DAGLB: variants seen among roughly 807,000 people sequenced by gnomAD.
DAGLB encodes diacylglycerol lipase beta.
In DAGLB, 66 loss-of-function variants were observed where a neutral mutation model predicts 72.1. That is an observed-to-expected ratio of 0.92 (90% CI 0.75 to 1.12). The LOEUF (loss-of-function observed/expected upper bound fraction) is 1.12. DAGLB is among the 50% of genes most tolerant of loss of function. The pLI, the probability that DAGLB is intolerant of heterozygous loss-of-function variation, is 0.00. For synonymous variants in DAGLB, 414 were observed against 359.5 expected (o/e 1.15, Z -1.71); for missense variants, 1,065 against 884.9 (o/e 1.20, Z -2.58).
intron 11 of DAGLB, among the ~76,000 whole-genome samples, chr7:6,415,368 CT>C (rs1783873665): frequency 6.6e-6 from 1 of 151,898 alleles, no homozygotes; most frequent in Non-Finnish European, 1.5e-5. Context: ...AAGAAAAGCT[CT>C]TTTTGTTCTT....
intron 9 of DAGLB, among the ~76,000 whole-genome samples, chr7:6,419,466 C>T (rs1212393879): frequency 6.6e-6 from 1 of 152,222 alleles, no homozygotes; most frequent in Non-Finnish European, 1.5e-5. Flanking sequence ...CCCCGGCGCA[C>T]ATCCAACAAC....
Position 6,432,864 on chromosome 7 carries a change from C to T in DAGLB, c.774G>A (p.Val258=), listed in dbSNP as rs775822673. Reference sequence around the variant, plus strand: ...GGGAGCTCCCTGGGGCATGGCAGACCACCTGGGCAGGCTCTTGGTTGTTCC... The same window carrying T: ...GGGAGCTCCCTGGGGCATGGCAGACTACCTGGGCAGGCTCTTGGTTGTTCC... The part of the protein sequence containing the change: ...NIRNNQEPAQ[V]VCHAPGSSQE... The change falls in exon 5 of 15, where the codon GTG becomes GTA. Residue 258 remains valine (V), a synonymous_variant. Transcript: ENST00000297056. 1 of 1,613,902 alleles carries T rather than the reference C, an allele frequency of 6.2e-7. No homozygotes were observed. The highest frequency in any genetic ancestry group is 1.1e-5 in the South Asian group (1 of 91,084).
intron 6 of DAGLB, among the ~76,000 whole-genome samples, chr7:6,426,693 A>G (rs1784321204): frequency 6.6e-6 from 1 of 152,082 alleles, no homozygotes. Context: ...GCAAGTCCCT[A>G]AAACTGAATG....
chr7:6,423,283 A>G (rs981844413), intron 8 of DAGLB, among the ~76,000 whole-genome samples: 1 of 152,094 alleles, frequency 6.6e-6, no homozygotes, highest in Non-Finnish European at 1.5e-5. Flanking sequence ...GACTGGGGAG[A>G]TGAGACTAGA....
At chr7:6,435,788 C>T (rs1436523166) in intron 3 of DAGLB, among the ~76,000 whole-genome samples, 3 of 152,150 alleles carry the variant, frequency 2.0e-5, no homozygotes, top group African/African-American at 4.8e-5. Context: ...GGGAAATGCC[C>T]CTCCCGAAGG....
At chr7:6,413,079 T>C in intron 11 of DAGLB, 45 bp from the exon 12 acceptor site, 1 of 1,590,586 alleles carries the variant, frequency 6.3e-7, no homozygotes, top group Non-Finnish European at 8.6e-7. Context: ...ACGATGACAC[T>C]GCCCACAAGG....
intron 2 of DAGLB, among the ~76,000 whole-genome samples, chr7:6,443,827 C>A (rs979354268): frequency 6.6e-6 from 1 of 152,170 alleles, no homozygotes; most frequent in Non-Finnish European, 1.5e-5. Flanking sequence ...TGAATCATTT[C>A]TAAGAATGCA....
At chr7:6,426,225 C>T in intron 6 of DAGLB, 111 bp from the exon 7 acceptor site, 4 of 1,490,266 alleles carry the variant, frequency 2.7e-6, no homozygotes, top group Non-Finnish European at 3.6e-6. Context: ...GGACAATTCT[C>T]AGGACTTAGC....
chr7:6,435,613 G>C (rs1370526283), intron 3 of DAGLB: 4 of 155,320 alleles, frequency 2.6e-5, no homozygotes, highest in African/African-American at 4.8e-5. Context: ...GGATGCAGCG[G>C]GCACTTCTTC....
chr7:6,424,685 C>A, intron 8 of DAGLB, 67 bp downstream of exon 8: 1 of 1,487,812 alleles, frequency 6.7e-7, no homozygotes, highest in South Asian at 1.1e-5. Context: ...ATTTCCCCAG[C>A]CGAGCAGCTG....
In DAGLB at chr7:6,435,038, G is replaced by C; in HGVS notation, c.420-18C>G. ...TGATCCAACTGCAAGACAGAGAGAG[G>C]AAAAGGCTCGGTGACTGCGGGCCCC... On this transcript the variant is annotated intron_variant, in intron 3 of 14. Coordinates refer to ENST00000297056, the MANE Select transcript of DAGLB (RefSeq NM_139179.4). 1 of 1,610,970 alleles carries C rather than the reference G, an allele frequency of 6.2e-7. No homozygotes were observed. The highest frequency in any genetic ancestry group is 8.5e-7 in the Non-Finnish European group (1 of 1,178,868).
chr7:6,420,859 C>A (rs1373607339), intron 9 of DAGLB, among the ~76,000 whole-genome samples: 1 of 152,192 alleles, frequency 6.6e-6, no homozygotes, highest in African/African-American at 2.4e-5. Context: ...GTAAGCCTGG[C>A]ACCGTGCCAT....
Position 6,410,323 on chromosome 7 carries a change from AGTT to A in DAGLB, c.1624_1626del (p.Asn542del). On this transcript the variant is annotated inframe_deletion, in exon 14 of 15. Coordinates refer to ENST00000297056, the MANE Select transcript of DAGLB (RefSeq NM_139179.4). ...TCGCCCCCGTCCAGCTCCGTGGGCA[AGTT>A]GTTGGGGTTTCCTCCAAACAGTTCG... 6.2e-7 allele frequency: 1 copy of A among 1,614,106 alleles called. No individual in the cohort carries two copies. The highest frequency in any genetic ancestry group is 8.5e-7 in the Non-Finnish European group (1 of 1,180,008).
intron 1 of DAGLB, among the ~76,000 whole-genome samples, chr7:6,447,163 G>T (rs144188236): frequency 6.6e-6 from 1 of 152,290 alleles, no homozygotes; most frequent in East Asian, 1.9e-4. Flanking sequence ...GCATAACAAT[G>T]ATTCATTCCC....
chr7:6,430,257 A>G (rs1784441398), intron 6 of DAGLB, among the ~76,000 whole-genome samples: 1 of 102,654 alleles, frequency 9.7e-6, no homozygotes, highest in African/African-American at 3.6e-5. Flanking sequence ...GTGCATATAT[A>G]TATATATATA....
chr7:6,447,608 G>C, intron 1 of DAGLB, 140 bp downstream of exon 1: 1 of 1,221,378 alleles, frequency 8.2e-7, no homozygotes. Context: ...GCAGTGGTGA[G>C]AACTCGATAA....
chr7:6,436,338 CAAAG>C lies in DAGLB; in HGVS notation c.419+20_419+23del. 2 of 1,586,684 alleles carry C rather than the reference CAAAG, an allele frequency of 1.3e-6. No individual in the cohort carries two copies. The highest frequency in any genetic ancestry group is 2.7e-5 in the African/African-American group (2 of 73,448). On this transcript the variant is annotated intron_variant, in intron 3 of 14. Coordinates refer to ENST00000297056, the MANE Select transcript of DAGLB (RefSeq NM_139179.4). ...CCTATGCCTCAAATCCACTGAAACT[CAAAG>C]AGAAGAAGGGAGATGTCACCTGACC...
At chr7:6,426,363 A>AG (rs1476654625) in intron 6 of DAGLB, among the ~76,000 whole-genome samples, 1 of 152,184 alleles carries the variant, frequency 6.6e-6, no homozygotes, top group African/African-American at 2.4e-5. Context: ...TCCGCCTCCC[A>AG]GGTTCAGGCG....
intron 8 of DAGLB, chr7:6,422,040 T>G (rs1398678646): frequency 3.1e-6 from 2 of 641,502 alleles, no homozygotes; most frequent in Non-Finnish European, 5.8e-6. Context: ...GACCATGGAG[T>G]GTGCCTAAGA....
Sources: gnomAD v4.1 joint callset for allele counts (sites outside exome capture counted in the v4.1 genomes callset) on GRCh38, gnomAD v4.1.1 for gene constraint, MANE v1.5 for transcripts, NCBI Gene and HGNC (gene_info 2026-07-23, HGNC 2026-07-21) for gene names.